The following PLCB4 variants were observed in gnomAD, a reference collection of about 807,000 sequenced individuals.
PLCB4 encodes 1-phosphatidylinositol 4,5-bisphosphate phosphodiesterase beta-4.
Under a neutral mutation model 178.8 loss-of-function variants are expected in PLCB4, and 77 were observed. That is an observed-to-expected ratio of 0.43 (90% CI 0.36 to 0.52). The LOEUF (loss-of-function observed/expected upper bound fraction) is 0.52. PLCB4 is among the 20% of genes least tolerant of loss of function. The pLI is 0.00. For missense variants in PLCB4, 1,024 were observed against 1,453.4 expected (o/e 0.70, Z 4.80); for synonymous variants, 496 against 490.8 (o/e 1.01, Z -0.14).
At chr20:9,137,581 A>G (rs552764038) in intron 2 of PLCB4, among the ~76,000 whole-genome samples, 29 of 152,252 alleles carry the variant, frequency 1.9e-4, no homozygotes, top group African/African-American at 6.0e-4. Flanking sequence ...ACTCTATAAA[A>G]TGGAAAATTT....
At chr20:9,226,299 T>C (rs533121387) in intron 3 of PLCB4, among the ~76,000 whole-genome samples, 1 of 152,222 alleles carries the variant, frequency 6.6e-6, no homozygotes, top group East Asian at 1.9e-4. Context: ...AATAAAGCGG[T>C]CTAGAATTTG....
chr20:9,439,618 T>C (rs886287158), intron 30 of PLCB4, among the ~76,000 whole-genome samples: 8 of 152,288 alleles, frequency 5.3e-5, no homozygotes, highest in East Asian at 1.9e-4. Flanking sequence ...TGGAATAGAA[T>C]GATCCACAGG....
At chr20:9,321,657 C>T (rs533229845) in intron 4 of PLCB4, among the ~76,000 whole-genome samples, 6 of 152,046 alleles carry the variant, frequency 3.9e-5, no homozygotes, top group Middle Eastern at 3.4e-3. Context: ...TTGAGACAGA[C>T]GGAGTCTCAC....
intron 1 of PLCB4, among the ~76,000 whole-genome samples, chr20:9,083,964 T>C (rs1302974234): frequency 6.6e-6 from 1 of 152,230 alleles, no homozygotes; most frequent in East Asian, 1.9e-4. Flanking sequence ...CCTAGAAACC[T>C]AATACAGTGG....
intron 3 of PLCB4, among the ~76,000 whole-genome samples, chr20:9,223,324 T>C (rs2093822414): frequency 6.6e-6 from 1 of 152,186 alleles, no homozygotes; most frequent in Non-Finnish European, 1.5e-5. Flanking sequence ...CACCATGATA[T>C]AGTATATACG....
chr20:9,176,333 T>G (rs1320675939), intron 2 of PLCB4, among the ~76,000 whole-genome samples: 1 of 152,216 alleles, frequency 6.6e-6, no homozygotes, highest in Non-Finnish European at 1.5e-5. Context: ...TGTGTGAACA[T>G]GTTTTTATTT....
At chr20:9,254,495 C>G (rs1239692117) in intron 3 of PLCB4, among the ~76,000 whole-genome samples, 1 of 152,048 alleles carries the variant, frequency 6.6e-6, no homozygotes, top group South Asian at 2.1e-4. Context: ...CCTAGGAGTT[C>G]GAGACCAGCC....
At position 9,101,028 on chromosome 20, in the gene PLCB4, A is replaced by T. The variant is rs76630613; in HGVS notation, c.-79+4686A>T. ...CTGGTGGCCCATTTCTTCATATTTC[A>T]TGATAATTGGTCAGAGGCTTGCCTG... On this transcript the variant is annotated intron_variant, in intron 2 of 39. Transcript: ENST00000378473. Among the ~76,000 whole-genome samples the T allele has an allele frequency of 1.6e-4, 25 of 152,150 alleles. No homozygotes were observed. In the East Asian group the frequency reaches 4.7e-3, roughly 28 times the overall value.
At position 9,389,859 on chromosome 20, in the gene PLCB4, G is replaced by GTTTTTTTTTTTTTT; in HGVS notation, c.1159-11_1159-10insTTTTTTTTTTTTTT. 1 of 1,369,140 alleles carries GTTTTTTTTTTTTTT rather than the reference G, an allele frequency of 7.3e-7. No homozygotes were observed. The allele number at this position is 1,369,140 out of a possible 1,614,324, so 84.8% of individuals were successfully genotyped here. A position where few individuals can be genotyped will look rare whatever the true frequency, so the allele number is the denominator to read the frequency against. On this transcript the variant is annotated intron_variant, in intron 15 of 39. Transcript: ENST00000378473. ...TTTTTTGCTCTTTTCTCTCATTAAC[G>GTTTTTTTTTTTTTT]TTTTTTTTTGTTTTTAAAGGATGTA...
chr20:9,326,511 C>T (rs375741384), intron 4 of PLCB4, among the ~76,000 whole-genome samples: 4 of 152,074 alleles, frequency 2.6e-5, no homozygotes, highest in Non-Finnish European at 4.4e-5. Flanking sequence ...GAAAGATAGA[C>T]AGCAGGTTTA....
intron 38 of PLCB4, 99 bp downstream of exon 38, chr20:9,473,464 T>A: frequency 1.8e-6 from 1 of 568,252 alleles, no homozygotes; most frequent in Non-Finnish European, 3.1e-6. Context: ...ATATTGTAAT[T>A]GAAAGGTAGA....
intron 4 of PLCB4, among the ~76,000 whole-genome samples, chr20:9,308,128 T>C (rs1415140044): frequency 6.6e-6 from 1 of 152,188 alleles, no homozygotes; most frequent in Non-Finnish European, 1.5e-5. Flanking sequence ...TTATGTGTAT[T>C]ATTTGTTTAA....
Position 9,083,136 on chromosome 20 carries a change from G to A in PLCB4, c.-134-13151G>A, listed in dbSNP as rs535837410. ...TTCCAGCTTTGTTGGAAAGGTTAAG[G>A]CAATAATTACATGGAAGGTATGTCT... On this transcript the variant is annotated intron_variant, in intron 1 of 39. Transcript: ENST00000378473. Among the ~76,000 whole-genome samples the A allele has an allele frequency of 2.6e-5, 4 of 152,234 alleles. No homozygotes were observed. The South Asian group carries it at 8.3e-4, about 32-fold the overall frequency.
At chr20:9,321,155 A>C (rs186576228) in intron 4 of PLCB4, among the ~76,000 whole-genome samples, 53 of 152,352 alleles carry the variant, frequency 3.5e-4, no homozygotes, top group Non-Finnish European at 6.5e-4. Context: ...ACTTGACATC[A>C]GTCATCTCTT....
chr20:9,451,192 T>G (rs1487774899), intron 32 of PLCB4, among the ~76,000 whole-genome samples: 1 of 152,196 alleles, frequency 6.6e-6, no homozygotes, highest in Non-Finnish European at 1.5e-5. Context: ...TACATAGAGT[T>G]GAATCCATCA....
chr20:9,099,899 A>G (rs992891537), intron 2 of PLCB4, among the ~76,000 whole-genome samples: 3 of 152,210 alleles, frequency 2.0e-5, no homozygotes, highest in African/African-American at 4.8e-5. Context: ...TTGTGTGTAC[A>G]GTAGACATTT....
intron 3 of PLCB4, among the ~76,000 whole-genome samples, chr20:9,238,483 C>A (rs1227436723): frequency 6.6e-6 from 1 of 152,136 alleles, no homozygotes; most frequent in South Asian, 2.1e-4. Flanking sequence ...AACAGCATAG[C>A]CTTTGATTTC....
chr20:9,155,212 C>T (rs1429832390), intron 2 of PLCB4, among the ~76,000 whole-genome samples: 1 of 150,774 alleles, frequency 6.6e-6, no homozygotes, highest in Non-Finnish European at 1.5e-5. Flanking sequence ...TTTGATTTTC[C>T]ACTCCTGTGT....
chr20:9,382,107 A>T (rs149192517), intron 13 of PLCB4, among the ~76,000 whole-genome samples: 95 of 152,338 alleles, frequency 6.2e-4, no homozygotes, highest in African/African-American at 2.0e-3. Flanking sequence ...TTCAAAGCCT[A>T]TAAAATAGTA....
Sources: gnomAD v4.1 joint callset for allele counts (sites outside exome capture counted in the v4.1 genomes callset) on GRCh38, gnomAD v4.1.1 for gene constraint, MANE v1.5 for transcripts, NCBI Gene and HGNC (gene_info 2026-07-23, HGNC 2026-07-21) for gene names.